The following DKC1 variants were observed in gnomAD, a reference collection of about 807,000 sequenced individuals.
DKC1 encodes H/ACA ribonucleoprotein complex subunit DKC1.
In DKC1, 4 loss-of-function variants were observed where a neutral mutation model predicts 46.7. That is an observed-to-expected ratio of 0.09 (90% CI 0.04 to 0.20). The LOEUF (loss-of-function observed/expected upper bound fraction) is 0.20. Among genes scored for constraint, DKC1 ranks in the 10% least tolerant of loss-of-function variants. The pLI, the probability that DKC1 is intolerant of heterozygous loss-of-function variation, is 1.00. For missense variants in DKC1, 171 were observed against 404.2 expected (o/e 0.42, Z 4.95); for synonymous variants, 141 against 142.4 (o/e 0.99, Z 0.07).
intron 7 of DKC1, 100 bp from the exon 8 acceptor site, chrX:154,768,202 A>C: frequency 2.0e-6 from 2 of 1,011,932 alleles, no homozygotes; most frequent in Admixed American, 4.4e-5. Context: ...TGTGTCTGTC[A>C]CCTCTAGTCT....
intron 10 of DKC1, among the ~76,000 whole-genome samples, chrX:154,772,697 C>T (rs914942919): frequency 2.7e-5 from 3 of 112,102 alleles, no homozygotes; most frequent in Non-Finnish European, 5.6e-5. Context: ...TAGAGCTATT[C>T]ATTTAATGGG....
intron 8 of DKC1, 40 bp from the exon 9 acceptor site, chrX:154,769,127 C>A (rs782388131): frequency 1.4e-5 from 16 of 1,166,745 alleles, no homozygotes; most frequent in Non-Finnish European, 1.7e-5. Context: ...GGCTGAGATA[C>A]AAATAAACTG....
At position 154,773,219 on chromosome X, in the gene DKC1, T is replaced by C. The variant is rs1557265138; in HGVS notation, c.1125T>C (p.Thr375=). The change falls in exon 11 of 15, where the codon ACT becomes ACC. Residue 375 remains threonine (T), a synonymous_variant. Coordinates refer to ENST00000369550, the MANE Select transcript of DKC1 (RefSeq NM_001363.5). ...AGAGAGTGATCATGGAGAGAGACACTTACCCTCGGAAGTGGGGTTTAGGTC... is the reference window on the plus strand; with the variant it reads ...AGAGAGTGATCATGGAGAGAGACACCTACCCTCGGAAGTGGGGTTTAGGTC... ...KIKRVIMERD[T]YPRKWGLGPK... is the part of the protein sequence containing the mutation. 1 of 1,206,219 alleles carries C rather than the reference T, an allele frequency of 8.3e-7. No homozygotes were observed. The highest frequency in any genetic ancestry group is 3.0e-5 in the East Asian group (1 of 33,784).
intron 2 of DKC1, chrX:154,765,196 TCTTC>T (rs2071730039): frequency 2.1e-6 from 1 of 468,264 alleles, no homozygotes; most frequent in African/African-American, 2.4e-5. Flanking sequence ...TCTGAATTTG[TCTTC>T]CTTATGCCAC....
chrX:154,764,777 A>G (rs1164289141), intron 1 of DKC1, 122 bp from the exon 2 acceptor site: 9 of 533,261 alleles, frequency 1.7e-5, no homozygotes, highest in Non-Finnish European at 2.4e-5. Flanking sequence ...ATTATGTGGC[A>G]TGTGACTGTA....
chrX:154,770,007 A>G (rs2071801040), intron 9 of DKC1, among the ~76,000 whole-genome samples: 1 of 111,462 alleles, frequency 9.0e-6, no homozygotes, highest in Non-Finnish European at 1.9e-5. Context: ...CTGACCTATA[A>G]ATTCTGCACC....
chrX:154,768,129 C>T, intron 7 of DKC1, 173 bp from the exon 8 acceptor site: 2 of 574,983 alleles, frequency 3.5e-6, no homozygotes, highest in East Asian at 3.6e-5. Context: ...GAATTACAGG[C>T]GTGAGCCACC....
Position 154,764,723 on chromosome X carries a change from C to G in DKC1, c.17-176C>G, listed in dbSNP as rs782687638. Among the ~76,000 whole-genome samples the G allele has an allele frequency of 7.2e-5, 8 of 111,711 alleles. No individual in the cohort carries two copies. The South Asian group carries it at 3.0e-3, about 41-fold the overall frequency. On this transcript the variant is annotated intron_variant, in intron 1 of 14. Transcript: ENST00000369550. Reference sequence around the variant, plus strand: ...AGGAATTTTTCAGCTCTGTTATAATCTTATGGGGGCCACCATCACATACGC... The same window carrying G: ...AGGAATTTTTCAGCTCTGTTATAATGTTATGGGGGCCACCATCACATACGC...
chrX:154,768,280 C>T, intron 7 of DKC1, 22 bp from the exon 8 acceptor site: 2 of 1,210,927 alleles, frequency 1.7e-6, no homozygotes, highest in East Asian at 3.0e-5. Context: ...TGCTGCTTTT[C>T]TTTTGTGTGT....
In DKC1 at chrX:154,764,950, CAGA is replaced by C. The variant is rs2071727432; in HGVS notation, c.75_77del (p.Glu25del). 4 of 1,205,172 alleles carry C rather than the reference CAGA, an allele frequency of 3.3e-6. No individual in the cohort carries two copies. The highest frequency in any genetic ancestry group is 2.2e-5 in the Admixed American group (1 of 45,802). ...AAGAAAAAGGAGCGGAAGTCATTGC[CAGA>C]AGAAGATGTAGCCGTGAGTAGTAAT... On this transcript the variant is annotated inframe_deletion, in exon 2 of 15. Coordinates refer to ENST00000369550, the MANE Select transcript of DKC1 (RefSeq NM_001363.5).
intron 13 of DKC1, 132 bp downstream of exon 13, chrX:154,775,405 C>A: frequency 3.1e-6 from 2 of 639,557 alleles, no homozygotes; most frequent in Non-Finnish European, 5.1e-6. Context: ...AGCGCATACA[C>A]AGGTAATGCT....
At chrX:154,765,828 C>A in intron 3 of DKC1, 79 bp from the exon 4 acceptor site, 1 of 778,628 alleles carries the variant, frequency 1.3e-6, no homozygotes, top group Non-Finnish European at 2.0e-6. Flanking sequence ...AGTTTGTGGG[C>A]CACATAGTGG....
intron 10 of DKC1, among the ~76,000 whole-genome samples, chrX:154,772,296 T>C (rs905403203): frequency 8.0e-5 from 9 of 112,283 alleles, no homozygotes; most frequent in African/African-American, 2.9e-4. Flanking sequence ...CTCCCATTCT[T>C]ATGCATATGG....
At chrX:154,770,738 C>T (rs781995560) in intron 9 of DKC1, 21 bp from the exon 10 acceptor site, 3 of 1,208,574 alleles carry the variant, frequency 2.5e-6, no homozygotes, top group Non-Finnish European at 2.2e-6. Context: ...GGGCCCCTTA[C>T]ACTTGGTGCC....
intron 9 of DKC1, among the ~76,000 whole-genome samples, chrX:154,769,828 A>G (rs1311479979): frequency 2.7e-5 from 3 of 112,345 alleles, no homozygotes; most frequent in East Asian, 5.5e-4. Flanking sequence ...AAAACAGTGG[A>G]CAACATAAAT....
chrX:154,770,119 C>A (rs2071802239), intron 9 of DKC1, among the ~76,000 whole-genome samples: 1 of 111,493 alleles, frequency 9.0e-6, no homozygotes, highest in Non-Finnish European at 1.9e-5. Flanking sequence ...GTTCTTTCTC[C>A]TCATAAGGAG....
At chrX:154,766,852 T>C in intron 5 of DKC1, 145 bp from the exon 6 acceptor site, 1 of 552,842 alleles carries the variant, frequency 1.8e-6, no homozygotes, top group Non-Finnish European at 3.2e-6. Flanking sequence ...CACCATGAAA[T>C]CTCTCTTAAT....
chrX:154,770,486 A>AG (rs1355432145), intron 9 of DKC1, among the ~76,000 whole-genome samples: 22 of 108,233 alleles, frequency 2.0e-4, no homozygotes, highest in South Asian at 1.2e-3. Flanking sequence ...AAAAAAAAAA[A>AG]AAAGAAAATA....
intron 3 of DKC1, 122 bp from the exon 4 acceptor site, chrX:154,765,785 T>A (rs1197859416): frequency 5.0e-6 from 3 of 598,946 alleles, no homozygotes; most frequent in Non-Finnish European, 5.7e-6. Context: ...AGTTCTCAGT[T>A]TTTGTACTTA....
Sources: allele counts gnomAD v4.1 joint callset (sites outside exome capture counted in the v4.1 genomes callset), GRCh38; gene constraint gnomAD v4.1.1; transcripts MANE v1.5; gene names NCBI Gene and HGNC (gene_info 2026-07-23, HGNC 2026-07-21).